The following SLC24A2 variants were observed in gnomAD, a reference collection of about 807,000 sequenced individuals.
SLC24A2 encodes sodium/potassium/calcium exchanger 2.
SLC24A2 carries 36 observed loss-of-function variants against 62.0 expected under a neutral mutation model. The observed-to-expected ratio is 0.58, with a 90% CI of 0.44 to 0.77. The LOEUF is 0.77. SLC24A2 is among the 30% of genes least tolerant of loss of function. The pLI, the probability that SLC24A2 is intolerant of heterozygous loss-of-function variation, is 0.00. For missense variants in SLC24A2, 846 were observed against 817.9 expected (o/e 1.03, Z -0.42); for synonymous variants, 358 against 294.0 (o/e 1.22, Z -2.23).
In SLC24A2 at chr9:19,676,041, G is replaced by T. The variant is rs1273292914; in HGVS notation, c.931-53742C>A. On this transcript the variant is annotated intron_variant, in intron 2 of 10. Coordinates refer to ENST00000341998, the MANE Select transcript of SLC24A2 (RefSeq NM_020344.4). Reference sequence around the variant, plus strand: ...TCCCTGGGGACCAAGAGCCCATAGGGCTCTTCCCACTGCTACTTCTACCCC... The same window carrying T: ...TCCCTGGGGACCAAGAGCCCATAGGTCTCTTCCCACTGCTACTTCTACCCC... 5.9e-5 allele frequency among the ~76,000 whole-genome samples: 9 copies of T among 152,280 alleles called. No homozygotes were observed. In the South Asian group the frequency reaches 8.3e-4, roughly 14 times the overall value.
chr9:20,070,539 G>A, the SLC24A2 span, among the ~76,000 whole-genome samples: 2,798 of 152,274 alleles, frequency 0.018, 77 homozygotes, highest in African/African-American at 0.064. Context: ...TTAGAAAGGC[G>A]GTGTGCTTTG....
chr9:20,056,494 T>C, the SLC24A2 span, among the ~76,000 whole-genome samples: 70 of 152,318 alleles, frequency 4.6e-4, no homozygotes, highest in African/African-American at 1.6e-3. Context: ...TAATCTGAAG[T>C]TCTTACAGTG....
the SLC24A2 span, among the ~76,000 whole-genome samples, chr9:20,148,051 T>C: frequency 2.0e-5 from 3 of 152,210 alleles, no homozygotes; most frequent in Non-Finnish European, 4.4e-5. Context: ...AGATGGGTAC[T>C]ATATGGGCAA....
intron 4 of SLC24A2, among the ~76,000 whole-genome samples, chr9:19,604,640 A>G (rs1836933784): frequency 6.6e-6 from 1 of 152,180 alleles, no homozygotes; most frequent in Non-Finnish European, 1.5e-5. Context: ...AATGAAAAAC[A>G]AACAAACAAA....
At chr9:20,126,632 T>C in the SLC24A2 span, among the ~76,000 whole-genome samples, 1 of 152,094 alleles carries the variant, frequency 6.6e-6, no homozygotes, top group African/African-American at 2.4e-5. Flanking sequence ...CGGAAATGAG[T>C]GAGGCTTTAA....
chr9:19,710,780 G>T (rs1820692260), intron 2 of SLC24A2, among the ~76,000 whole-genome samples: 1 of 152,100 alleles, frequency 6.6e-6, no homozygotes. Flanking sequence ...TCTGGCCACA[G>T]GTCGAGAAAG....
chr9:19,611,476 C>A (rs557249787), intron 4 of SLC24A2, among the ~76,000 whole-genome samples: 2 of 147,558 alleles, frequency 1.4e-5, no homozygotes, highest in African/African-American at 5.0e-5. Flanking sequence ...AGAGAGGAGG[C>A]GGGAGGGGAA....
intron 2 of SLC24A2, among the ~76,000 whole-genome samples, chr9:19,623,022 A>C (rs991662289): frequency 6.6e-6 from 1 of 152,194 alleles, no homozygotes; most frequent in East Asian, 1.9e-4. Context: ...GGATTAGAAC[A>C]CAAGGGCACA....
At chr9:20,052,436 A>G in the SLC24A2 span, among the ~76,000 whole-genome samples, 2 of 152,174 alleles carry the variant, frequency 1.3e-5, no homozygotes. Flanking sequence ...ATAAGGAACA[A>G]TTGCACCAAA....
the SLC24A2 span, among the ~76,000 whole-genome samples, chr9:20,135,324 C>A: frequency 8.5e-6 from 1 of 117,734 alleles, no homozygotes; most frequent in Non-Finnish European, 1.7e-5. Context: ...TTTTTAATTA[C>A]AATTTAAAAT....
rs889631401 is a variant in SLC24A2, at chr9:19,512,375, C to A, written c.*3778G>T. ...AACAGTCTCCGCCTCTTTTTATAAT[C>A]TTCTGGGCAAGGCTTTAGGACATTC... On this transcript the variant is annotated 3_prime_UTR_variant, in exon 11 of 11. Coordinates refer to ENST00000341998, the MANE Select transcript of SLC24A2 (RefSeq NM_020344.4). 6.6e-6 allele frequency: 1 copy of A among 152,224 alleles called. No individual in the cohort carries two copies. The highest frequency in any genetic ancestry group is 6.5e-5 in the Admixed American group (1 of 15,276). The allele number at this position is 152,224 out of a possible 1,614,324, so 9.4% of individuals were successfully genotyped here.
intron 7 of SLC24A2, among the ~76,000 whole-genome samples, chr9:19,568,901 A>G (rs1835756101): frequency 6.6e-6 from 1 of 152,178 alleles, no homozygotes; most frequent in African/African-American, 2.4e-5. Context: ...ATGACTAGTT[A>G]TTTGACAGCA....
chr9:19,767,482 A>G (rs1441693578), intron 2 of SLC24A2, among the ~76,000 whole-genome samples: 2 of 152,218 alleles, frequency 1.3e-5, no homozygotes, highest in East Asian at 1.9e-4. Flanking sequence ...ACCATGGGAA[A>G]AGGGTCGTAT....
At chr9:20,251,003 G>A in the SLC24A2 span, among the ~76,000 whole-genome samples, 24 of 152,128 alleles carry the variant, frequency 1.6e-4, no homozygotes, top group African/African-American at 5.1e-4. Context: ...TAGGCAAGGC[G>A]CCAGCTGGCT....
At chr9:19,703,976 C>T (rs1019604279) in intron 2 of SLC24A2, among the ~76,000 whole-genome samples, 9 of 152,162 alleles carry the variant, frequency 5.9e-5, no homozygotes, top group Admixed American at 2.0e-4. Flanking sequence ...GAATGTGTCT[C>T]ATCCTAGCAG....
chr9:19,981,005 T>C, the SLC24A2 span, among the ~76,000 whole-genome samples: 3 of 152,184 alleles, frequency 2.0e-5, no homozygotes, highest in Non-Finnish European at 4.4e-5. Context: ...AGGGTAACAC[T>C]TGTTACTCTC....
At chr9:20,110,032 T>C in the SLC24A2 span, among the ~76,000 whole-genome samples, 37 of 152,304 alleles carry the variant, frequency 2.4e-4, no homozygotes, top group African/African-American at 8.4e-4. Context: ...TAATTTTTTA[T>C]CATATTAAAG....
At chr9:19,675,103 G>A (rs1390002965) in intron 2 of SLC24A2, among the ~76,000 whole-genome samples, 1 of 152,154 alleles carries the variant, frequency 6.6e-6, no homozygotes, top group Non-Finnish European at 1.5e-5. Flanking sequence ...CCTGAGAGCT[G>A]AACTGCAGTG....
chr9:20,080,868 C>T, the SLC24A2 span, among the ~76,000 whole-genome samples: 1 of 152,044 alleles, frequency 6.6e-6, no homozygotes, highest in East Asian at 1.9e-4. Flanking sequence ...CCAAAAGACA[C>T]ATGAAAAAAT....
Sources: gnomAD v4.1 joint callset for allele counts (sites outside exome capture counted in the v4.1 genomes callset) on GRCh38, gnomAD v4.1.1 for gene constraint, MANE v1.5 for transcripts, NCBI Gene and HGNC (gene_info 2026-07-23, HGNC 2026-07-21) for gene names.